AGTPBP1: variants seen among roughly 807,000 people sequenced by gnomAD.
The protein encoded by AGTPBP1 is ATP/GTP binding carboxypeptidase 1.
A neutral mutation model predicts 143.9 loss-of-function variants in AGTPBP1; 70 were observed. The observed-to-expected ratio is 0.49, with a 90% CI of 0.40 to 0.59. AGTPBP1 has a LOEUF of 0.59. Among genes scored for constraint, AGTPBP1 ranks in the 20% least tolerant of loss-of-function variants. The pLI, the probability that AGTPBP1 is intolerant of heterozygous loss-of-function variation, is 0.00. For missense variants in AGTPBP1, 1,229 were observed against 1,464.5 expected (o/e 0.84, Z 2.62); for synonymous variants, 463 against 500.2 (o/e 0.93, Z 0.99).
the AGTPBP1 span, among the ~76,000 whole-genome samples, chr9:85,760,026 G>T: frequency 6.6e-6 from 1 of 152,028 alleles, no homozygotes; most frequent in Non-Finnish European, 1.5e-5. Flanking sequence ...TAGAAGAAAT[G>T]GATAAATTCC....
chr9:85,571,132 C>T (rs2077835442), intron 25 of AGTPBP1, among the ~76,000 whole-genome samples: 1 of 152,114 alleles, frequency 6.6e-6, no homozygotes, highest in Non-Finnish European at 1.5e-5. Context: ...TATGTAAATA[C>T]TTAAATATAT....
chr9:85,548,231 T>C (rs1294208127), intron 25 of AGTPBP1, among the ~76,000 whole-genome samples: 2 of 152,172 alleles, frequency 1.3e-5, no homozygotes, highest in Non-Finnish European at 2.9e-5. Flanking sequence ...CAGATGTCAT[T>C]AGTCACCTAA....
the AGTPBP1 span, among the ~76,000 whole-genome samples, chr9:85,779,202 TATAGATATAGATA>T: frequency 1.0e-5 from 1 of 98,330 alleles, no homozygotes; most frequent in Admixed American, 1.4e-4. Context: ...TAGATATAGA[TATAGATATAGATA>T]TAGATATAGA....
chr9:85,705,769 C>T (rs983925915), intron 2 of AGTPBP1, among the ~76,000 whole-genome samples: 1 of 152,104 alleles, frequency 6.6e-6, no homozygotes, highest in Admixed American at 6.5e-5. Context: ...CGGCTCACTG[C>T]AAGCTCCACC....
intron 17 of AGTPBP1, among the ~76,000 whole-genome samples, chr9:85,600,307 TAAAACTCACCATAACAC>T (rs1037040415): frequency 2.6e-5 from 4 of 152,100 alleles, no homozygotes; most frequent in African/African-American, 7.2e-5. Context: ...TCCACTCACA[TAAAACTCACCATAACAC>T]AAAACTCATT....
intron 17 of AGTPBP1, among the ~76,000 whole-genome samples, chr9:85,615,455 C>T (rs1830552972): frequency 6.6e-6 from 1 of 152,004 alleles, no homozygotes; most frequent in Admixed American, 6.6e-5. Context: ...TTGTACCTTA[C>T]TCAATAGAAT....
At chr9:85,732,654 G>T (rs1838967342) in intron 1 of AGTPBP1, among the ~76,000 whole-genome samples, 1 of 151,918 alleles carries the variant, frequency 6.6e-6, no homozygotes, top group African/African-American at 2.4e-5. Context: ...AAATGTAAAG[G>T]GATTAAATTT....
At chr9:85,762,037 T>C in the AGTPBP1 span, among the ~76,000 whole-genome samples, 2 of 152,134 alleles carry the variant, frequency 1.3e-5, no homozygotes, top group Non-Finnish European at 2.9e-5. Flanking sequence ...TCATCACTGG[T>C]CGTCAGAGAA....
rs1834900640 is a variant in AGTPBP1 at position 85,677,449 on chromosome 9, C to CT, written c.422dup (p.Ile142AspfsTer6). ...GAAATCCCTTACCTTTTGGTCCAAT[C>CT]TTTGCAAGAATAGAATGAATCTGTA... On this transcript the variant is annotated frameshift_variant, in exon 6 of 26. Coordinates refer to ENST00000357081, the MANE Select transcript of AGTPBP1 (RefSeq NM_001330701.2). LOFTEE classifies it high-confidence loss of function. The CT allele has an allele frequency of 1.2e-6, 2 of 1,605,980 alleles. No homozygotes were observed. Among genetic ancestry groups the CT allele is most frequent in the Non-Finnish European group, 1.7e-6 (2 of 1,176,704 alleles).
the AGTPBP1 span, among the ~76,000 whole-genome samples, chr9:85,759,258 G>T: frequency 6.6e-6 from 1 of 152,114 alleles, no homozygotes; most frequent in South Asian, 2.1e-4. Context: ...ACTCAGCTCT[G>T]CACCAAGCAG....
intron 10 of AGTPBP1, among the ~76,000 whole-genome samples, chr9:85,656,658 A>T (rs1301154840): frequency 5.9e-5 from 9 of 152,180 alleles, no homozygotes; most frequent in Non-Finnish European, 1.2e-4. Flanking sequence ...CATGGCTGAC[A>T]GTCAGCACAG....
chr9:85,776,953 C>A, the AGTPBP1 span, among the ~76,000 whole-genome samples: 2 of 152,148 alleles, frequency 1.3e-5, no homozygotes, highest in Non-Finnish European at 2.9e-5. Context: ...TGATGCAGAG[C>A]ATACACGGCC....
At chr9:85,588,553 A>C in intron 20 of AGTPBP1, 75 bp from the exon 21 acceptor site, 1 of 1,436,394 alleles carries the variant, frequency 7.0e-7, no homozygotes, top group Middle Eastern at 1.8e-4. Flanking sequence ...GGGGCTTTAG[A>C]AATGTCTCTA....
chr9:85,582,858 T>C (rs2133133272), intron 23 of AGTPBP1, among the ~76,000 whole-genome samples: 1 of 152,232 alleles, frequency 6.6e-6, no homozygotes, highest in East Asian at 1.9e-4. Flanking sequence ...CATGGTATGG[T>C]AGTCACCATC....
chr9:85,608,063 T>A (rs1333928014), intron 17 of AGTPBP1, among the ~76,000 whole-genome samples: 1 of 152,072 alleles, frequency 6.6e-6, no homozygotes, highest in Non-Finnish European at 1.5e-5. Flanking sequence ...AAACCACACA[T>A]GACCCAGGCC....
At chr9:85,805,085 G>C in the AGTPBP1 span, among the ~76,000 whole-genome samples, 11 of 152,282 alleles carry the variant, frequency 7.2e-5, no homozygotes, top group South Asian at 2.1e-3. Flanking sequence ...AGACCGTGGC[G>C]CCGCCGCCCA....
chr9:85,601,418 G>C (rs2133329774), intron 17 of AGTPBP1, among the ~76,000 whole-genome samples: 1 of 152,298 alleles, frequency 6.6e-6, no homozygotes, highest in South Asian at 2.1e-4. Flanking sequence ...GGGAGCCTAG[G>C]GATCACTCAG....
At chr9:85,632,594 T>C (rs1831749302) in intron 14 of AGTPBP1, 68 bp downstream of exon 14, 2 of 1,363,076 alleles carry the variant, frequency 1.5e-6, no homozygotes, top group Non-Finnish European at 2.0e-6. Flanking sequence ...CCCAAAGTAA[T>C]TTTTTTAAGA....
At chr9:85,565,176 T>C (rs544159536) in intron 25 of AGTPBP1, among the ~76,000 whole-genome samples, 81 of 152,362 alleles carry the variant, frequency 5.3e-4, no homozygotes, top group Admixed American at 3.3e-4. Context: ...TTACTACTTA[T>C]GTTGAAAAAG....
Sources: allele counts gnomAD v4.1 joint callset (sites outside exome capture counted in the v4.1 genomes callset), GRCh38; gene constraint gnomAD v4.1.1; transcripts MANE v1.5; gene names NCBI Gene and HGNC (gene_info 2026-07-23, HGNC 2026-07-21).